Variants in PTPRN2 observed in about 807,000 individuals in gnomAD.
PTPRN2 encodes receptor-type tyrosine-protein phosphatase N2.
A neutral mutation model predicts 118.8 loss-of-function variants in PTPRN2; 74 were observed. The observed-to-expected ratio is 0.62, with a 90% CI of 0.52 to 0.76. PTPRN2 has a LOEUF of 0.76. Among genes scored for constraint, PTPRN2 ranks in the 30% least tolerant of loss-of-function variants. PTPRN2 has a pLI of 0.00. For missense variants in PTPRN2, 1,481 were observed against 1,394.4 expected (o/e 1.06, Z -0.99); for synonymous variants, 641 against 608.0 (o/e 1.05, Z -0.80).
intron 2 of PTPRN2, among the ~76,000 whole-genome samples, chr7:158,483,895 C>T (rs948811296): frequency 5.3e-5 from 8 of 152,004 alleles, no homozygotes; most frequent in Non-Finnish European, 8.8e-5. Flanking sequence ...CCCAGCACTT[C>T]GGGAGGTCAA....
chr7:157,923,196 T>A (rs917979496), intron 11 of PTPRN2, among the ~76,000 whole-genome samples: 2 of 152,272 alleles, frequency 1.3e-5, no homozygotes, highest in Admixed American at 6.5e-5. Flanking sequence ...TGGGCCTTTT[T>A]ATTCTTAACC....
chr7:158,423,428 T>G (rs1032741677), intron 2 of PTPRN2, among the ~76,000 whole-genome samples: 2 of 152,162 alleles, frequency 1.3e-5, no homozygotes, highest in Non-Finnish European at 2.9e-5. Context: ...GGTCCCGCCC[T>G]AGCTTCCTCT....
chr7:158,414,699 C>T (rs748929203), intron 2 of PTPRN2, among the ~76,000 whole-genome samples: 18 of 152,236 alleles, frequency 1.2e-4, no homozygotes, highest in South Asian at 2.1e-4. Flanking sequence ...CCGTGCCTCC[C>T]GCCCTGGCCA....
intron 11 of PTPRN2, among the ~76,000 whole-genome samples, chr7:158,071,292 G>T (rs1254351980): frequency 1.1e-5 from 1 of 92,912 alleles, no homozygotes; most frequent in Non-Finnish European, 2.1e-5. Flanking sequence ...GGTGGTGGAG[G>T]TGCTCGTGGT....
chr7:158,217,453 G>C (rs1282692170), intron 3 of PTPRN2, among the ~76,000 whole-genome samples: 1 of 152,094 alleles, frequency 6.6e-6, no homozygotes, highest in Non-Finnish European at 1.5e-5. Context: ...AAAACAAAAA[G>C]CCCTATCCCC....
intron 10 of PTPRN2, among the ~76,000 whole-genome samples, chr7:158,086,991 C>T (rs938331023): frequency 1.1e-4 from 16 of 152,160 alleles, no homozygotes; most frequent in South Asian, 2.1e-4. Context: ...CACTTCCTCG[C>T]GGGGCGATTT....
chr7:158,344,954 C>G (rs915138054), intron 2 of PTPRN2, among the ~76,000 whole-genome samples: 2 of 152,224 alleles, frequency 1.3e-5, no homozygotes, highest in Non-Finnish European at 2.9e-5. Context: ...CAAAACAGAG[C>G]TTTAGGCAGA....
At chr7:158,331,551 C>T (rs1804450349) in intron 2 of PTPRN2, among the ~76,000 whole-genome samples, 2 of 144,048 alleles carry the variant, frequency 1.4e-5, no homozygotes, top group South Asian at 2.3e-4. Flanking sequence ...TAAGAGCTGA[C>T]ACCCGCAGAC....
Position 158,071,828 on chromosome 7 carries a change from CCCG to C in PTPRN2, c.1723+9467_1723+9469del, listed in dbSNP as rs1371585624. Among the ~76,000 whole-genome samples the C allele has an allele frequency of 7.5e-4, 48 of 63,860 alleles. 3 individuals are homozygous for C. Among genetic ancestry groups the C allele is most frequent in the Admixed American group, 1.9e-3 (12 of 6,350 alleles). 41.9% of individuals were successfully genotyped at this position (63,860 alleles called of 152,430 possible). On this transcript the variant is annotated intron_variant, in intron 11 of 22. Coordinates refer to ENST00000389418, the MANE Select transcript of PTPRN2 (RefSeq NM_002847.5). ...TGGAGGTGCTCGTCGTATGGAGGTGCCCGTGGTGGAGGTGCTCGTGGTGGTGGA... is the reference window on the plus strand; with the variant it reads ...TGGAGGTGCTCGTCGTATGGAGGTGCTGGTGGAGGTGCTCGTGGTGGTGGA...
At chr7:158,384,091 T>C (rs112294730) in intron 2 of PTPRN2, among the ~76,000 whole-genome samples, 1,895 of 152,266 alleles carry the variant, frequency 0.012, 46 homozygotes, top group African/African-American at 0.043. Flanking sequence ...GTCATCCATG[T>C]CCCTCACACA....
rs546794997 is a variant in PTPRN2 at position 157,560,221 on chromosome 7, C to T, written c.2902+8681G>A. ...CCCTGGCTCAGCAGGGTCAGCCTGA[C>T]CCCTTGAAGGTGGGAGACCCCTTGA... On this transcript the variant is annotated intron_variant, in intron 21 of 22. Coordinates refer to ENST00000389418, the MANE Select transcript of PTPRN2 (RefSeq NM_002847.5). The surrounding 1 kb of genome is among the most constrained non-coding windows in gnomAD (Gnocchi z 6.7). 6.6e-6 allele frequency among the ~76,000 whole-genome samples: 1 copy of T among 152,126 alleles called. No homozygotes were observed. The highest frequency in any genetic ancestry group is 2.4e-5 in the African/African-American group (1 of 41,426).
intron 11 of PTPRN2, among the ~76,000 whole-genome samples, chr7:158,056,870 C>G (rs1726566768): frequency 6.6e-6 from 1 of 152,220 alleles, no homozygotes; most frequent in African/African-American, 2.4e-5. Flanking sequence ...GGCCATCCAG[C>G]ATGGTGGAAG....
chr7:158,586,666 T>C (rs1202876862), intron 1 of PTPRN2, among the ~76,000 whole-genome samples: 4 of 152,100 alleles, frequency 2.6e-5, no homozygotes, highest in African/African-American at 9.7e-5. Context: ...CGGCTTCCAC[T>C]CCCTCGCTGC....
intron 2 of PTPRN2, among the ~76,000 whole-genome samples, chr7:158,459,330 C>T (rs1818779117): frequency 9.0e-6 from 1 of 111,004 alleles, no homozygotes; most frequent in African/African-American, 3.4e-5. Context: ...CCAGAGCACC[C>T]GCCTGGGACG....
At chr7:158,256,872 T>C (rs1267181713) in intron 3 of PTPRN2, among the ~76,000 whole-genome samples, 1 of 152,196 alleles carries the variant, frequency 6.6e-6, no homozygotes, top group Non-Finnish European at 1.5e-5. Flanking sequence ...AATCTATCTA[T>C]AACCTAAACT....
In PTPRN2 at chr7:158,525,035, C is replaced by A. The variant is rs1824663202; in HGVS notation, c.113-35250G>T. 6.6e-6 allele frequency among the ~76,000 whole-genome samples: 1 copy of A among 152,126 alleles called. No individual in the cohort carries two copies. Among genetic ancestry groups the A allele is most frequent in the African/African-American group, 2.4e-5 (1 of 41,430 alleles). On this transcript the variant is annotated intron_variant, in intron 1 of 22. Coordinates refer to ENST00000389418, the MANE Select transcript of PTPRN2 (RefSeq NM_002847.5). The surrounding 1 kb of genome is among the most constrained non-coding windows in gnomAD (Gnocchi z 4.1). ...CCCCAGCAGCGGTCTCCTGCACCCTCCGAAAAGACAGCCCTTGGAAGACTG... is the reference window on the plus strand; with the variant it reads ...CCCCAGCAGCGGTCTCCTGCACCCTACGAAAAGACAGCCCTTGGAAGACTG...
chr7:158,133,675 ACTCT>A lies in PTPRN2; in HGVS notation c.1554_1556+1del, dbSNP rs745584393. The A allele has an allele frequency of 5.1e-6, 8 of 1,565,380 alleles. No individual in the cohort carries two copies. The highest frequency in any genetic ancestry group is 6.1e-6 in the Non-Finnish European group (7 of 1,156,404). On this transcript the variant is annotated splice_donor_variant and coding_sequence_variant, in exon 9 of 23. Coordinates refer to ENST00000389418, the MANE Select transcript of PTPRN2 (RefSeq NM_002847.5). LOFTEE classifies it high-confidence loss of function. ...AGGAGCTTAGCCAGGGCTGCTACTCACTCTCTGTCTGTCACGATGTAGCCCCGCG... is the reference window on the plus strand; with the variant it reads ...AGGAGCTTAGCCAGGGCTGCTACTCACTGTCTGTCACGATGTAGCCCCGCG...
rs150723419 is a variant in PTPRN2 at position 157,601,404 on chromosome 7, G to A, written c.2418+2598C>T. Among the ~76,000 whole-genome samples the A allele has an allele frequency of 2.6e-5, 4 of 152,082 alleles. No homozygotes were observed. In the East Asian group the frequency reaches 7.7e-4, roughly 29 times the overall value. ...ACCTTCAGCTATTTCATAAAGAAGA[G>A]GCACCATCGATTTCTTCTGCTTCAT... On this transcript the variant is annotated intron_variant, in intron 16 of 22. Coordinates refer to ENST00000389418, the MANE Select transcript of PTPRN2 (RefSeq NM_002847.5).
At position 158,556,833 on chromosome 7, in the gene PTPRN2, G is replaced by GCAGCTCCCGCGCAGGTCAGA. The variant is rs1210658639; in HGVS notation, c.112+30705_112+30724dup. 5.1e-3 allele frequency among the ~76,000 whole-genome samples: 721 copies of GCAGCTCCCGCGCAGGTCAGA among 141,128 alleles called. 5 individuals carry two copies. The highest frequency in any genetic ancestry group is 0.018 in the African/African-American group (672 of 37,542). 92.6% of individuals were successfully genotyped at this position (141,128 alleles called of 152,430 possible). A position where few individuals can be genotyped will look rare whatever the true frequency, so the allele number is the denominator to read the frequency against. On this transcript the variant is annotated intron_variant, in intron 1 of 22. Coordinates refer to ENST00000389418, the MANE Select transcript of PTPRN2 (RefSeq NM_002847.5). ...CGCAGGTCGCTCCCACGCAGGTCAGGCAGCTCCCGCGCAGGTCAGACAGCT... is the reference window on the plus strand; with the variant it reads ...CGCAGGTCGCTCCCACGCAGGTCAGGCAGCTCCCGCGCAGGTCAGACAGCTCCCGCGCAGGTCAGACAGCT...
Sources: gnomAD v4.1 joint callset for allele counts (sites outside exome capture counted in the v4.1 genomes callset) on GRCh38, gnomAD v4.1.1 for gene constraint, Gnocchi (gnomAD v3.1) non-coding constraint, MANE v1.5 for transcripts, NCBI Gene and HGNC (gene_info 2026-07-23, HGNC 2026-07-21) for gene names.